The following SLC25A21 variants were observed in gnomAD, a reference collection of about 807,000 sequenced individuals.
SLC25A21 encodes mitochondrial 2-oxodicarboxylate carrier.
A neutral mutation model predicts 43.8 loss-of-function variants in SLC25A21; 47 were observed. That is an observed-to-expected ratio of 1.07 (90% CI 0.85 to 1.37). The LOEUF (loss-of-function observed/expected upper bound fraction) is 1.37. Ranked by LOEUF, SLC25A21 falls within the 40% of genes most tolerant of loss-of-function variation. SLC25A21 has a pLI of 0.00. For synonymous variants in SLC25A21, 131 were observed against 121.3 expected, an observed-to-expected ratio of 1.08 and a Z score of -0.52; for missense variants, 352 against 350.2, an observed-to-expected ratio of 1.00 and a Z score of -0.04.
intron 1 of SLC25A21, among the ~76,000 whole-genome samples, chr14:37,109,125 C>A (rs1255244459): frequency 1.3e-5 from 2 of 152,142 alleles, no homozygotes. Flanking sequence ...ACTGTAAAGT[C>A]AGAAGTTTCA....
chr14:36,701,954 A>G (rs1883296781), intron 7 of SLC25A21, among the ~76,000 whole-genome samples: 1 of 152,208 alleles, frequency 6.6e-6, no homozygotes, highest in South Asian at 2.1e-4. Flanking sequence ...TAGAGAGATA[A>G]TCAAGAAGAA....
At chr14:36,857,083 A>G (rs926941829) in intron 2 of SLC25A21, among the ~76,000 whole-genome samples, 1 of 152,238 alleles carries the variant, frequency 6.6e-6, no homozygotes, top group Non-Finnish European at 1.5e-5. Context: ...TAGTAGCCAA[A>G]TGGAATAAAG....
At chr14:36,928,007 C>G (rs934442920) in intron 1 of SLC25A21, among the ~76,000 whole-genome samples, 1 of 151,960 alleles carries the variant, frequency 6.6e-6, no homozygotes, top group African/African-American at 2.4e-5. Context: ...CTAGAGCCCC[C>G]GAAGTTATAA....
At chr14:37,034,795 G>A (rs1478994320) in intron 1 of SLC25A21, among the ~76,000 whole-genome samples, 4 of 152,228 alleles carry the variant, frequency 2.6e-5, no homozygotes, top group Non-Finnish European at 5.9e-5. Flanking sequence ...AAAGTGGTAA[G>A]AAGCAAAGGG....
intron 3 of SLC25A21, among the ~76,000 whole-genome samples, chr14:36,765,378 C>T (rs921333852): frequency 1.3e-5 from 2 of 152,208 alleles, no homozygotes; most frequent in Admixed American, 1.3e-4. Flanking sequence ...CCCAGCCAAG[C>T]CCTTCCCAAA....
intron 3 of SLC25A21, among the ~76,000 whole-genome samples, chr14:36,760,514 A>G (rs1886112551): frequency 6.6e-6 from 1 of 152,096 alleles, no homozygotes; most frequent in Non-Finnish European, 1.5e-5. Flanking sequence ...AGTGGGAGAG[A>G]AAAATTGAAC....
intron 9 of SLC25A21, among the ~76,000 whole-genome samples, chr14:36,682,841 T>C (rs1444270865): frequency 6.6e-6 from 1 of 152,214 alleles, no homozygotes; most frequent in Non-Finnish European, 1.5e-5. Flanking sequence ...AAGTGTTTCC[T>C]AAATATATGA....
chr14:36,974,038 C>T (rs1348420196), intron 1 of SLC25A21, among the ~76,000 whole-genome samples: 1 of 152,036 alleles, frequency 6.6e-6, no homozygotes, highest in South Asian at 2.1e-4. Flanking sequence ...AAAAAAAGAG[C>T]AACATTTTAA....
intron 1 of SLC25A21, among the ~76,000 whole-genome samples, chr14:37,052,282 T>C (rs545767353): frequency 2.6e-4 from 39 of 152,260 alleles, no homozygotes; most frequent in Non-Finnish European, 4.6e-4. Context: ...TTATAGAAGA[T>C]TGAAAAATCG....
At chr14:37,083,303 G>C (rs1263389408) in intron 1 of SLC25A21, among the ~76,000 whole-genome samples, 1 of 152,110 alleles carries the variant, frequency 6.6e-6, no homozygotes, top group African/African-American at 2.4e-5. Flanking sequence ...CACTATTCTA[G>C]GGTATGTAGT....
chr14:37,133,143 G>GCGCACA (rs144803616), intron 1 of SLC25A21, among the ~76,000 whole-genome samples: 1 of 147,962 alleles, frequency 6.8e-6, no homozygotes, highest in African/African-American at 2.5e-5. Context: ...GTGCACTCGT[G>GCGCACA]CACACACACA....
intron 1 of SLC25A21, among the ~76,000 whole-genome samples, chr14:36,935,373 G>A (rs10136303): frequency 0.65 from 98,743 of 151,986 alleles, 32,646 homozygotes; most frequent in Middle Eastern, 0.7. Context: ...TCTGTCCCTA[G>A]GCCCAAGTTT....
chr14:36,837,194 G>T (rs1392470286), intron 2 of SLC25A21, among the ~76,000 whole-genome samples: 1 of 152,064 alleles, frequency 6.6e-6, no homozygotes, highest in Non-Finnish European at 1.5e-5. Context: ...GACTCACCAA[G>T]AAATTAATGA....
chr14:36,960,018 G>C (rs953066350), intron 1 of SLC25A21, among the ~76,000 whole-genome samples: 4 of 152,204 alleles, frequency 2.6e-5, no homozygotes, highest in South Asian at 4.2e-4. Context: ...CTTCTCTGTA[G>C]GACTGTTCCC....
chr14:36,841,796 T>C (rs1156733831), intron 2 of SLC25A21, among the ~76,000 whole-genome samples: 4 of 152,194 alleles, frequency 2.6e-5, no homozygotes, highest in African/African-American at 7.2e-5. Flanking sequence ...GCAACTATCA[T>C]GTTAGCTCTC....
At chr14:36,866,628 A>G (rs867771589) in intron 2 of SLC25A21, among the ~76,000 whole-genome samples, 1 of 152,182 alleles carries the variant, frequency 6.6e-6, no homozygotes, top group South Asian at 2.1e-4. Flanking sequence ...TCCAAGCAAG[A>G]GTATTCTTCT....
At position 36,679,191 on chromosome 14, in the gene SLC25A21, A is replaced by C. The variant is rs1212937654; in HGVS notation, c.*1467T>G. ...CACATTCTTATTTCTTTTTTTTCAC[A>C]ATTTTGTTTTGTTTTTAATGACCCT... On this transcript the variant is annotated 3_prime_UTR_variant, in exon 10 of 10. Coordinates refer to ENST00000331299, the MANE Select transcript of SLC25A21 (RefSeq NM_030631.4). The C allele has an allele frequency of 5.1e-6, 5 of 985,006 alleles. No homozygotes were observed. The highest frequency in any genetic ancestry group is 6.0e-6 in the Non-Finnish European group (5 of 829,650). The allele number at this position is 985,006 out of a possible 1,614,324, so 61.0% of individuals were successfully genotyped here.
intron 1 of SLC25A21, among the ~76,000 whole-genome samples, chr14:36,895,054 T>C (rs1184715789): frequency 1.3e-5 from 2 of 152,226 alleles, no homozygotes; most frequent in African/African-American, 2.4e-5. Context: ...GCTGGCCTCA[T>C]AAAATGAGTT....
Position 36,831,700 on chromosome 14 carries a change from A to G in SLC25A21, c.120-17699T>C, listed in dbSNP as rs566678064. Among the ~76,000 whole-genome samples, 88 of 151,138 alleles carry G rather than the reference A, an allele frequency of 5.8e-4. 1 individual carries two copies. The highest frequency in any genetic ancestry group is 5.7e-3 in the Admixed American group (86 of 15,090). ...GGCTCCACAGCAAGATAATTTTATT[A>G]TGACAGCTTGGAACTGAAAAGATCA... On this transcript the variant is annotated intron_variant, in intron 2 of 9. Transcript: ENST00000331299.
Sources: gnomAD v4.1 joint callset for allele counts (sites outside exome capture counted in the v4.1 genomes callset) on GRCh38, gnomAD v4.1.1 for gene constraint, MANE v1.5 for transcripts, NCBI Gene and HGNC (gene_info 2026-07-23, HGNC 2026-07-21) for gene names.